Variants in TFEC observed in about 807,000 individuals in gnomAD.
TFEC encodes the protein transcription factor EC, also known as class E basic helix-loop-helix protein 34.
TFEC carries 31 observed loss-of-function variants against 41.6 expected under a neutral mutation model. That is an observed-to-expected ratio of 0.74 (90% CI 0.56 to 1.01). TFEC has a LOEUF of 1.01. TFEC is among the 50% of genes least tolerant of loss of function. TFEC has a pLI of 0.00. For missense variants in TFEC, 402 were observed against 404.1 expected, an observed-to-expected ratio of 0.99 and a Z score of 0.04; for synonymous variants, 143 against 140.6, an observed-to-expected ratio of 1.02 and a Z score of -0.12.
chr7:116,155,579 AG>A (rs2116489007), intron 1 of TFEC, among the ~76,000 whole-genome samples: 1 of 152,240 alleles, frequency 6.6e-6, no homozygotes, highest in Admixed American at 6.5e-5. Context: ...GGAAAAAAAA[AG>A]AAAGAAAGAA....
At chr7:116,093,707 T>C (rs1330618279) in intron 3 of TFEC, among the ~76,000 whole-genome samples, 1 of 152,186 alleles carries the variant, frequency 6.6e-6, no homozygotes, top group African/African-American at 2.4e-5. Context: ...TCTGCAAATA[T>C]TATGACATCA....
intron 1 of TFEC, among the ~76,000 whole-genome samples, chr7:116,005,580 G>A (rs965352113): frequency 5.9e-5 from 9 of 152,162 alleles, no homozygotes; most frequent in Non-Finnish European, 4.4e-5. Context: ...CTTGGGTGCT[G>A]TTAAAGGCAT....
At position 116,141,520 on chromosome 7, in the gene TFEC, G is replaced by A. The variant is rs557786693; in HGVS notation, c.-69+18270C>T. Among the ~76,000 whole-genome samples, 12 of 152,304 alleles carry A rather than the reference G, an allele frequency of 7.9e-5. No individual in the cohort carries two copies. The South Asian group carries it at 2.3e-3, about 29-fold the overall frequency. ...AGTACAACTGGACAAAGGTAAAACA[G>A]ACAGAGTCCCTTGGGTATGATCATG... On this transcript the variant is annotated intron_variant, in intron 1 of 8. Coordinates refer to the TFEC transcript ENST00000484212.
intron 1 of TFEC, among the ~76,000 whole-genome samples, chr7:115,996,810 C>T (rs1010678676): frequency 6.6e-6 from 1 of 152,054 alleles, no homozygotes; most frequent in African/African-American, 2.4e-5. Context: ...GTACTCACCA[C>T]AGGCCTGGGG....
chr7:115,980,326 T>G (rs1267479299), intron 2 of TFEC, among the ~76,000 whole-genome samples: 1 of 152,088 alleles, frequency 6.6e-6, no homozygotes, highest in Non-Finnish European at 1.5e-5. Context: ...TGAGGCCCAT[T>G]AAGATAAAAG....
At chr7:116,125,998 A>T (rs1798201806) in intron 1 of TFEC, among the ~76,000 whole-genome samples, 1 of 152,108 alleles carries the variant, frequency 6.6e-6, no homozygotes, top group African/African-American at 2.4e-5. Flanking sequence ...CAGTAGTGAA[A>T]ACAGATCATG....
At chr7:116,116,392 G>A (rs1329076060) in intron 1 of TFEC, among the ~76,000 whole-genome samples, 2 of 151,682 alleles carry the variant, frequency 1.3e-5, no homozygotes, top group Non-Finnish European at 2.9e-5. Flanking sequence ...TAAAACCTAA[G>A]GGTGGAAATT....
chr7:115,974,298 A>G (rs1793269308), intron 2 of TFEC, 42 bp from the exon 3 acceptor site: 1 of 1,418,262 alleles, frequency 7.1e-7, no homozygotes, highest in East Asian at 2.6e-5. Flanking sequence ...ACATAATGAT[A>G]AAAGTTGTGC....
chr7:115,981,793 G>C (rs1336962487), intron 2 of TFEC, among the ~76,000 whole-genome samples: 1 of 152,052 alleles, frequency 6.6e-6, no homozygotes, highest in Non-Finnish European at 1.5e-5. Flanking sequence ...GGGTGAGCTA[G>C]AATTATCCAG....
At chr7:116,141,492 C>T in intron 1 of TFEC, among the ~76,000 whole-genome samples, 1 of 152,210 alleles carries the variant, frequency 6.6e-6, no homozygotes, top group Non-Finnish European at 1.5e-5. Flanking sequence ...TAAAAACATG[C>T]TCAGTACAAC....
chr7:116,006,808 G>A (rs772735667), intron 1 of TFEC, among the ~76,000 whole-genome samples: 2 of 152,106 alleles, frequency 1.3e-5, no homozygotes, highest in Non-Finnish European at 2.9e-5. Context: ...GTTGTGGGAG[G>A]AACCTGGTGG....
chr7:115,948,343 T>C (rs1479130057), intron 6 of TFEC, among the ~76,000 whole-genome samples: 1 of 151,980 alleles, frequency 6.6e-6, no homozygotes, highest in South Asian at 2.1e-4. Context: ...CCCTAACTCA[T>C]TTTATGAGGC....
At chr7:115,970,887 A>T (rs759499567) in intron 3 of TFEC, among the ~76,000 whole-genome samples, 1 of 151,998 alleles carries the variant, frequency 6.6e-6, no homozygotes, top group Non-Finnish European at 1.5e-5. Flanking sequence ...CAGTCTGCAG[A>T]GCCGTGAGGC....
At chr7:116,034,139 C>A (rs1192987635), upstream of TFEC, among the ~76,000 whole-genome samples, 1 of 152,134 alleles carries the variant, frequency 6.6e-6, no homozygotes, top group Non-Finnish European at 1.5e-5. Context: ...ACCTATATCA[C>A]TGAGTATTTC....
intron 1 of TFEC, among the ~76,000 whole-genome samples, chr7:116,114,239 A>G (rs1317409057): frequency 3.3e-5 from 5 of 152,024 alleles, no homozygotes; most frequent in African/African-American, 1.2e-4. Flanking sequence ...AAAAACACAC[A>G]ATATTTCATT....
chr7:115,937,932 A>T lies in TFEC; in HGVS notation c.*2619T>A, dbSNP rs1348863410. 6.6e-6 allele frequency: 1 copy of T among 151,930 alleles called. No individual in the cohort carries two copies. The highest frequency in any genetic ancestry group is 1.5e-5 in the Non-Finnish European group (1 of 67,866). The allele number at this position is 151,930 out of a possible 1,614,324, so 9.4% of individuals were successfully genotyped here. On this transcript the variant is annotated 3_prime_UTR_variant, in exon 8 of 8. Coordinates refer to ENST00000265440, the MANE Select transcript of TFEC (RefSeq NM_012252.4). ...GATTCTCAAGGTATCTGCCTTAAAA[A>T]GTTAAGAACTACCATCTAATTAATT...
At chr7:116,062,225 CTTTTTTTTTTTT>C (rs569480964) in intron 3 of TFEC, among the ~76,000 whole-genome samples, 32 of 51,898 alleles carry the variant, frequency 6.2e-4, no homozygotes, top group African/African-American at 1.2e-3. Context: ...CATGCCTGGC[CTTTTTTTTTTTT>C]TTTTTTTTTT....
chr7:116,003,338 T>C (rs546338950), intron 1 of TFEC, among the ~76,000 whole-genome samples: 2 of 152,276 alleles, frequency 1.3e-5, no homozygotes, highest in African/African-American at 4.8e-5. Flanking sequence ...AGAATTACTA[T>C]GTTAACTTTA....
In TFEC at chr7:116,014,635, T is replaced by C. The variant is rs1478258521; in HGVS notation, c.-73+15998A>G. ...AAATAATACCTCCCCACCAAAGATG[T>C]CCACATCTTACCCTAGAACCTGTGG... On this transcript the variant is annotated intron_variant, in intron 1 of 7. Transcript: ENST00000265440. Among the ~76,000 whole-genome samples the C allele has an allele frequency of 2.0e-5, 3 of 152,128 alleles. No homozygotes were observed. In the East Asian group the frequency reaches 5.8e-4, roughly 29 times the overall value.
Sources: allele counts gnomAD v4.1 joint callset (sites outside exome capture counted in the v4.1 genomes callset), GRCh38; gene constraint gnomAD v4.1.1; transcripts MANE v1.5; gene names NCBI Gene and HGNC (gene_info 2026-07-23, HGNC 2026-07-21).